Variants in KLHDC4 observed in about 807,000 individuals in gnomAD.
KLHDC4 encodes kelch domain-containing protein 4.
Under a neutral mutation model 62.4 loss-of-function variants are expected in KLHDC4, and 90 were observed. The observed-to-expected ratio is 1.44, with a 90% CI of 1.22 to 1.72. The LOEUF (loss-of-function observed/expected upper bound fraction) is 1.72. Among genes scored for constraint, KLHDC4 ranks in the 40% most tolerant of loss-of-function variants. The pLI, the probability that KLHDC4 is intolerant of heterozygous loss-of-function variation, is 0.00. For synonymous variants in KLHDC4, 386 were observed against 284.4 expected (o/e 1.36, Z -3.59); for missense variants, 1,025 against 699.7 (o/e 1.47, Z -5.25).
chr16:87,763,397 G>A (rs1385158268), intron 1 of KLHDC4: 1 of 152,242 alleles, frequency 6.6e-6, no homozygotes, highest in African/African-American at 2.4e-5. Flanking sequence ...GAGGTCAGGA[G>A]TTCGAGACCA....
At chr16:87,744,410 C>T (rs1383853534) in intron 5 of KLHDC4, among the ~76,000 whole-genome samples, 5 of 141,726 alleles carry the variant, frequency 3.5e-5, no homozygotes, top group East Asian at 4.4e-4. Flanking sequence ...AATGAGACTC[C>T]GTCTCCAAAA....
intron 6 of KLHDC4, chr16:87,729,412 A>C (rs2039947992): frequency 6.6e-6 from 1 of 152,234 alleles, no homozygotes; most frequent in Admixed American, 6.5e-5. Flanking sequence ...CCCCGGAGAT[A>C]CAGACAGCCA....
chr16:87,699,737 G>T (rs1442665847), exon 1 of KLHDC4: 1 of 152,302 alleles, frequency 6.6e-6, no homozygotes, highest in Non-Finnish European at 1.5e-5. Flanking sequence ...GCCCTCCCCT[G>T]CATTCACTCA....
chr16:87,755,629 C>A (rs904569824), intron 3 of KLHDC4: 3 of 212,314 alleles, frequency 1.4e-5, no homozygotes, highest in Non-Finnish European at 2.9e-5. Flanking sequence ...TGCAATGGCG[C>A]AATCTTTGCT....
At chr16:87,713,062 C>T (rs544920232) in intron 8 of KLHDC4, among the ~76,000 whole-genome samples, 1 of 152,334 alleles carries the variant, frequency 6.6e-6, no homozygotes, top group East Asian at 1.9e-4. Flanking sequence ...GACAGAGTCT[C>T]ACTCTGTTGC....
chr16:87,741,249 T>C (rs957920850), intron 5 of KLHDC4, among the ~76,000 whole-genome samples: 3 of 152,120 alleles, frequency 2.0e-5, no homozygotes, highest in African/African-American at 4.8e-5. Flanking sequence ...AACCAACACA[T>C]AGCAGAAGGC....
chr16:87,717,375 T>C (rs912455508), intron 7 of KLHDC4, among the ~76,000 whole-genome samples: 1 of 152,236 alleles, frequency 6.6e-6, no homozygotes, highest in African/African-American at 2.4e-5. Flanking sequence ...TGTACTGTAT[T>C]TACTATAATG....
intron 7 of KLHDC4, among the ~76,000 whole-genome samples, chr16:87,716,476 C>T (rs1453809256): frequency 3.3e-5 from 5 of 152,182 alleles, no homozygotes; most frequent in African/African-American, 1.2e-4. Flanking sequence ...ACTCTTGGGT[C>T]CCTGTGACTT....
intron 3 of KLHDC4, 163 bp downstream of exon 3, chr16:87,756,236 C>A: frequency 1.8e-6 from 1 of 565,248 alleles, no homozygotes; most frequent in South Asian, 1.9e-5. Flanking sequence ...CATGCCAGGG[C>A]CTGGAGCATC....
At chr16:87,764,937 AAAGGGAC>A (rs1323984787) in intron 1 of KLHDC4, 1 of 351,340 alleles carries the variant, frequency 2.8e-6, no homozygotes, top group Non-Finnish European at 5.7e-6. Flanking sequence ...CTTAGGAAGA[AAAGGGAC>A]AAAGGACTGT....
intron 2 of KLHDC4, among the ~76,000 whole-genome samples, chr16:87,758,541 G>C (rs975772824): frequency 6.6e-6 from 1 of 152,142 alleles, no homozygotes; most frequent in Admixed American, 6.5e-5. Context: ...CCAGGGGGCT[G>C]GGGGAGGGGA....
At chr16:87,711,676 A>T (rs1252696793) in intron 8 of KLHDC4, among the ~76,000 whole-genome samples, 1 of 152,142 alleles carries the variant, frequency 6.6e-6, no homozygotes, top group Non-Finnish European at 1.5e-5. Context: ...CACACCCCCA[A>T]GCACCTCTAA....
chr16:87,728,082 G>C lies in KLHDC4; in HGVS notation c.600-1158C>G, dbSNP rs535948433. On this transcript the variant is annotated intron_variant, in intron 6 of 11. Transcript: ENST00000270583. ...GGTGCCTATAATCCCAGCTACTCAG[G>C]AGGCTGAGGCACGAGAATAGTTTGA... Among the ~76,000 whole-genome samples, 9 of 152,298 alleles carry C rather than the reference G, an allele frequency of 5.9e-5. No homozygotes were observed. The East Asian group carries it at 1.5e-3, about 26-fold the overall frequency.
At chr16:87,759,248 T>C (rs2045496215) in intron 2 of KLHDC4, among the ~76,000 whole-genome samples, 1 of 151,034 alleles carries the variant, frequency 6.6e-6, no homozygotes, top group Non-Finnish European at 1.5e-5. Flanking sequence ...AAAAAAAACT[T>C]TTTAGGTCGG....
At chr16:87,713,863 G>C (rs1215419464) in intron 8 of KLHDC4, among the ~76,000 whole-genome samples, 1 of 152,164 alleles carries the variant, frequency 6.6e-6, no homozygotes, top group Admixed American at 6.6e-5. Context: ...TTGATTCTTA[G>C]ATCCCAGTTT....
At chr16:87,755,000 G>A (rs1200093864) in intron 4 of KLHDC4, among the ~76,000 whole-genome samples, 194 bp downstream of exon 4, 2 of 152,154 alleles carry the variant, frequency 1.3e-5, no homozygotes, top group East Asian at 1.9e-4. Flanking sequence ...GCCACCTGGG[G>A]AGCAGGTGTT....
chr16:87,731,272 C>T (rs529778031), intron 5 of KLHDC4, among the ~76,000 whole-genome samples: 66 of 151,644 alleles, frequency 4.4e-4, no homozygotes, highest in African/African-American at 1.5e-3. Context: ...ACCATGTTGG[C>T]CAGGCTGGTC....
intron 7 of KLHDC4, among the ~76,000 whole-genome samples, chr16:87,718,481 T>C (rs1235243147): frequency 6.6e-6 from 1 of 151,332 alleles, no homozygotes; most frequent in African/African-American, 2.4e-5. Flanking sequence ...CTGATTCTCC[T>C]GCCTCAGCCT....
rs775705695 is a variant in KLHDC4 at position 87,756,459 on chromosome 16, C to G, written c.210G>C (p.Ser70=). The G allele has an allele frequency of 1.2e-6, 2 of 1,613,798 alleles. No individual in the cohort carries two copies. Among genetic ancestry groups the G allele is most frequent in the South Asian group, 1.1e-5 (1 of 91,074 alleles). The part of the protein sequence containing the change: ...PPSPRLNASL[S]VHPEKDELIL... ...TTAACTCATCTTTCTCAGGATGAAC[C>G]GAGAGGGAGGCATTTAACCTACAAG... The change falls in exon 3 of 12, where the codon TCG becomes TCC. Residue 70 remains serine (S), a synonymous_variant. Coordinates refer to ENST00000270583, the MANE Select transcript of KLHDC4 (RefSeq NM_017566.4).
Sources: allele counts gnomAD v4.1 joint callset (sites outside exome capture counted in the v4.1 genomes callset), GRCh38; gene constraint gnomAD v4.1.1; transcripts MANE v1.5; gene names NCBI Gene and HGNC (gene_info 2026-07-23, HGNC 2026-07-21).